Variants in PARD3B observed in about 807,000 individuals in gnomAD.
The protein encoded by PARD3B is par-3 family cell polarity regulator beta.
PARD3B carries 103 observed loss-of-function variants against 130.2 expected under a neutral mutation model. That is an observed-to-expected ratio of 0.79 (90% CI 0.67 to 0.93). PARD3B has a LOEUF of 0.93. PARD3B is among the 40% of genes least tolerant of loss of function. PARD3B has a pLI of 0.00. For synonymous variants in PARD3B, 583 were observed against 553.2 expected, an observed-to-expected ratio of 1.05 and a Z score of -0.76; for missense variants, 1,609 against 1,499.2, an observed-to-expected ratio of 1.07 and a Z score of -1.21.
Position 205,591,591 on chromosome 2 carries a change from T to C in PARD3B, c.3261-23865T>C, listed in dbSNP as rs559531219. ...AACAGACTGTCTTACAGAGGAAACA[T>C]TCGTTCATTGGAAACCCAGAACTGT... is the stretch of plus-strand genomic sequence containing the variant. On this transcript the variant is annotated intron_variant, in intron 22 of 22. Transcript: ENST00000406610. This position sits in a 1 kb window ranked among gnomAD's most constrained non-coding sequence, Gnocchi z 4.2. Among the ~76,000 whole-genome samples, 1 of 152,330 alleles carries C rather than the reference T, an allele frequency of 6.6e-6. No individual in the cohort carries two copies. Among genetic ancestry groups the C allele is most frequent in the South Asian group, 2.1e-4 (1 of 4,812 alleles).
chr2:204,905,071 T>A (rs2046997109), intron 2 of PARD3B, among the ~76,000 whole-genome samples: 1 of 152,224 alleles, frequency 6.6e-6, no homozygotes, highest in Non-Finnish European at 1.5e-5. Flanking sequence ...ATTTTCTTTT[T>A]CTGAGCTCTG....
At chr2:205,613,193 T>G (rs1203235829) in intron 22 of PARD3B, among the ~76,000 whole-genome samples, 2 of 152,170 alleles carry the variant, frequency 1.3e-5, no homozygotes, top group African/African-American at 4.8e-5. Flanking sequence ...GGAGGGCTGG[T>G]TGTATGTTCA....
At chr2:204,568,215 T>A (rs1218706181) in intron 1 of PARD3B, among the ~76,000 whole-genome samples, 2 of 152,234 alleles carry the variant, frequency 1.3e-5, no homozygotes, top group South Asian at 4.1e-4. Flanking sequence ...AAACATGGTC[T>A]CAGCTTCTCA....
intron 1 of PARD3B, among the ~76,000 whole-genome samples, chr2:204,621,733 C>CT (rs1437930127): frequency 2.0e-5 from 3 of 152,130 alleles, no homozygotes; most frequent in Non-Finnish European, 2.9e-5. Context: ...CAAAGTCTGT[C>CT]TTTGAGTCAG....
At chr2:204,575,978 C>CT (rs1177919621) in intron 1 of PARD3B, among the ~76,000 whole-genome samples, 1 of 152,164 alleles carries the variant, frequency 6.6e-6, no homozygotes, top group Non-Finnish European at 1.5e-5. Flanking sequence ...TGTTAATTGA[C>CT]TGTTAGTCTA....
At chr2:204,963,891 T>A (rs1230936691) in intron 2 of PARD3B, among the ~76,000 whole-genome samples, 1 of 152,196 alleles carries the variant, frequency 6.6e-6, no homozygotes, top group Non-Finnish European at 1.5e-5. Context: ...GAAGTCTCCA[T>A]ACTGGAAATG....
intron 2 of PARD3B, among the ~76,000 whole-genome samples, chr2:204,701,282 G>A (rs2037880512): frequency 6.6e-6 from 1 of 152,042 alleles, no homozygotes; most frequent in Non-Finnish European, 1.5e-5. Flanking sequence ...AGCAAGATGT[G>A]TTTTCAGTGT....
At chr2:204,851,783 C>G (rs2044716861) in intron 2 of PARD3B, among the ~76,000 whole-genome samples, 1 of 151,990 alleles carries the variant, frequency 6.6e-6, no homozygotes, top group Non-Finnish European at 1.5e-5. Context: ...ACCTCTGCCT[C>G]CAGGCTTCAA....
At chr2:204,843,587 G>A (rs1205697092) in intron 2 of PARD3B, among the ~76,000 whole-genome samples, 5 of 151,856 alleles carry the variant, frequency 3.3e-5, no homozygotes, top group African/African-American at 1.2e-4. Flanking sequence ...ACGAGGTTTC[G>A]CCATGTTAGC....
At chr2:205,166,059 C>A (rs922231745) in intron 11 of PARD3B, among the ~76,000 whole-genome samples, 3 of 152,082 alleles carry the variant, frequency 2.0e-5, no homozygotes, top group African/African-American at 7.2e-5. Flanking sequence ...GACCAAAACA[C>A]CTGACTGACT....
chr2:204,794,262 G>A (rs2042292942), intron 2 of PARD3B, among the ~76,000 whole-genome samples: 1 of 152,136 alleles, frequency 6.6e-6, no homozygotes, highest in African/African-American at 2.4e-5. Flanking sequence ...TTCATGTAAT[G>A]AAAATACGTT....
chr2:205,406,054 C>G (rs2046407400), intron 19 of PARD3B, among the ~76,000 whole-genome samples: 1 of 152,192 alleles, frequency 6.6e-6, no homozygotes, highest in South Asian at 2.1e-4. Context: ...CTCTCTCACA[C>G]AGAGCATGCG....
At chr2:205,614,154 T>C (rs1346768329) in intron 22 of PARD3B, among the ~76,000 whole-genome samples, 1 of 152,176 alleles carries the variant, frequency 6.6e-6, no homozygotes, top group Non-Finnish European at 1.5e-5. Flanking sequence ...CCAGGCTAGA[T>C]AAAATGCAGT....
At chr2:204,764,928 G>A (rs1266541892) in intron 2 of PARD3B, among the ~76,000 whole-genome samples, 2 of 151,878 alleles carry the variant, frequency 1.3e-5, no homozygotes, top group Non-Finnish European at 2.9e-5. Context: ...ATCTAGGAAG[G>A]ACTGATGCAT....
chr2:205,283,102 T>C (rs563660847), intron 16 of PARD3B, among the ~76,000 whole-genome samples: 31 of 152,208 alleles, frequency 2.0e-4, no homozygotes, highest in Non-Finnish European at 4.1e-4. Context: ...ATTCAGCAAA[T>C]GGCTGCTCCG....
chr2:205,518,213 ATGTGTCTTTGTAGGTCT>A (rs1381528282), intron 21 of PARD3B, among the ~76,000 whole-genome samples: 1 of 152,132 alleles, frequency 6.6e-6, no homozygotes, highest in Non-Finnish European at 1.5e-5. Flanking sequence ...GTGGGAGTCT[ATGTGTCTTTGTAGGTCT>A]CTAAGAACTT....
intron 1 of PARD3B, among the ~76,000 whole-genome samples, chr2:204,670,967 T>C (rs950507047): frequency 6.6e-6 from 1 of 152,198 alleles, no homozygotes; most frequent in South Asian, 2.1e-4. Flanking sequence ...ACATTGCTCC[T>C]GGAGCCCTTC....
At chr2:204,876,255 C>A (rs531643218) in intron 2 of PARD3B, among the ~76,000 whole-genome samples, 12 of 152,332 alleles carry the variant, frequency 7.9e-5, no homozygotes, top group Non-Finnish European at 1.3e-4. Flanking sequence ...TCCAAAAGCT[C>A]ATTTCCAGAA....
chr2:204,950,932 T>C (rs983489989), intron 2 of PARD3B, among the ~76,000 whole-genome samples: 1 of 152,204 alleles, frequency 6.6e-6, no homozygotes, highest in African/African-American at 2.4e-5. Flanking sequence ...TGATTTCAAC[T>C]AGCAAGGTTC....
Sources: allele counts gnomAD v4.1 joint callset (sites outside exome capture counted in the v4.1 genomes callset), GRCh38; gene constraint gnomAD v4.1.1; non-coding constraint Gnocchi (gnomAD v3.1); transcripts MANE v1.5; gene names NCBI Gene and HGNC (gene_info 2026-07-23, HGNC 2026-07-21).